Variants in TMEM165 observed in about 807,000 individuals in gnomAD.
TMEM165 encodes transmembrane protein 165.
Under a neutral mutation model 30.0 loss-of-function variants are expected in TMEM165, and 19 were observed. The ratio of observed to expected loss-of-function variants is 0.63; its 90% confidence interval spans 0.44 to 0.93. The LOEUF (loss-of-function observed/expected upper bound fraction) is 0.93. Among genes scored for constraint, TMEM165 ranks in the 40% least tolerant of loss-of-function variants. The probability of loss-of-function intolerance (pLI) is 0.00; values close to 1 mark genes in which losing one functional copy is unlikely to be tolerated. For synonymous variants in TMEM165, 168 were observed against 162.9 expected (o/e 1.03, Z -0.24); for missense variants, 340 against 417.0 (o/e 0.82, Z 1.61).
At chr4:55,450,282 T>A (rs1367391325) in intron 3 of TMEM165, 1 of 1,609,444 alleles carries the variant, frequency 6.2e-7, no homozygotes, top group Admixed American at 1.7e-5. Flanking sequence ...AGTTCAGAGA[T>A]CTCAAATTCA....
intron 3 of TMEM165, chr4:55,448,972 T>C (rs753828037): frequency 7.6e-6 from 7 of 923,874 alleles, no homozygotes; most frequent in Middle Eastern, 2.2e-4. Context: ...ACTTACCATT[T>C]GCCTCATACT....
At chr4:55,422,402 C>T (rs891019901) in intron 4 of TMEM165, among the ~76,000 whole-genome samples, 16 of 151,982 alleles carry the variant, frequency 1.1e-4, no homozygotes, top group African/African-American at 3.9e-4. Flanking sequence ...GGATTAGAGA[C>T]ATGTGCCACC....
intron 1 of TMEM165, chr4:55,403,130 A>G (rs1721103230): frequency 1.1e-5 from 7 of 653,936 alleles, no homozygotes; most frequent in Admixed American, 2.7e-5. Flanking sequence ...CCCAGGAGAC[A>G]GTTCTAAGCA....
chr4:55,445,598 T>C (rs1019506786), intron 3 of TMEM165, among the ~76,000 whole-genome samples: 1 of 124,960 alleles, frequency 8.0e-6, no homozygotes, highest in African/African-American at 2.9e-5. Flanking sequence ...TTTTTTTTTT[T>C]TTTTTTTTTT....
rs113721674 is a variant in TMEM165 at position 55,410,859 on chromosome 4, G to A, written c.208-755G>A. ...ACAAATAAGGTAATTTTGGCCAAGC[G>A]TGGTGGCTCACGCCTGTAATCTCAG... On this transcript the variant is annotated intron_variant, in intron 1 of 5. Coordinates refer to ENST00000381334, the MANE Select transcript of TMEM165 (RefSeq NM_018475.5). Among the ~76,000 whole-genome samples the A allele has an allele frequency of 3.8e-3, 584 of 152,278 alleles. 4 individuals are homozygous for A. Among genetic ancestry groups the A allele is most frequent in the African/African-American group, 0.013 (556 of 41,560 alleles).
At chr4:55,413,219 A>C (rs185690188) in intron 2 of TMEM165, among the ~76,000 whole-genome samples, 1 of 152,100 alleles carries the variant, frequency 6.6e-6, no homozygotes, top group South Asian at 2.1e-4. Flanking sequence ...GGCTCAAGCT[A>C]TCTTTCCACC....
Position 55,396,382 on chromosome 4 carries a change from C to A in TMEM165, c.193C>A (p.Pro65Thr). The A allele has an allele frequency of 1.3e-6, 2 of 1,493,198 alleles. No individual in the cohort carries two copies. The highest frequency in any genetic ancestry group is 8.9e-7 in the Non-Finnish European group (1 of 1,126,902). The allele number at this position is 1,493,198 out of a possible 1,614,324, so 92.5% of individuals were successfully genotyped here. A position where few individuals can be genotyped will look rare whatever the true frequency, so the allele number is the denominator to read the frequency against. ...PQPVAVQGPE[P>T]ARVEKIFTPA... Reference sequence around the variant, plus strand: ...GCCTGTGGCTGTGCAGGGCCCCGAGCCGGCCCGGGTCGAGGTGAGCGGGCC... The same window carrying A: ...GCCTGTGGCTGTGCAGGGCCCCGAGACGGCCCGGGTCGAGGTGAGCGGGCC... The change falls in exon 1 of 6, where the codon CCG (proline) becomes ACG (threonine). Residue 65 changes from proline (P) to threonine (T), a missense_variant. Physicochemically the swap from Pro to Thr is conservative, Grantham distance 38. Transcript: ENST00000381334.
chr4:55,398,897 C>G (rs897162642), intron 1 of TMEM165: 1 of 149,092 alleles, frequency 6.7e-6, no homozygotes, highest in African/African-American at 2.5e-5. Flanking sequence ...AACAACAACC[C>G]GATTTTTAAT....
At chr4:55,452,144 T>C (rs1724513904) in intron 3 of TMEM165, 1 of 152,242 alleles carries the variant, frequency 6.6e-6, no homozygotes, top group Non-Finnish European at 1.5e-5. Context: ...GGGCTGGATC[T>C]ACTGATTTCC....
intron 3 of TMEM165, among the ~76,000 whole-genome samples, chr4:55,439,232 A>G (rs1346919972): frequency 6.6e-6 from 1 of 152,226 alleles, no homozygotes; most frequent in Non-Finnish European, 1.5e-5. Context: ...CAAAGAAGAT[A>G]CACAAATGGC....
chr4:55,424,879 A>G (rs946879507), intron 5 of TMEM165: 2 of 482,766 alleles, frequency 4.1e-6, no homozygotes, highest in Admixed American at 3.8e-5. Context: ...TCTTGTTAAC[A>G]TATTATCTTA....
At chr4:55,449,825 A>G (rs1256685003) in intron 3 of TMEM165, among the ~76,000 whole-genome samples, 1 of 152,182 alleles carries the variant, frequency 6.6e-6, no homozygotes, top group Non-Finnish European at 1.5e-5. Flanking sequence ...AAAAAACACA[A>G]TAAATAGTTG....
At position 55,396,296 on chromosome 4, in the gene TMEM165, A is replaced by C. The variant is rs1446225479; in HGVS notation, c.107A>C (p.Asp36Ala). ...WAPAAVRAGP[D>A]EDLSHRNKEP... ...CCGGCTGCGGTCCGGGCCGGCCCAG[A>C]TGAAGACCTTAGCCACCGGAACAAA... The change falls in exon 1 of 6, where the codon GAT (aspartate) becomes GCT (alanine). Residue 36 changes from aspartate (D) to alanine (A), a missense_variant. By Grantham distance (126) the Asp-to-Ala change is moderately radical (BLOSUM62 -2). Around this residue, in one of 2 missense-constraint regions of TMEM165, gnomAD observed 120 missense variants for 109.4 expected, o/e 1.10. Coordinates refer to ENST00000381334, the MANE Select transcript of TMEM165 (RefSeq NM_018475.5). The C allele has an allele frequency of 6.5e-7, 1 of 1,531,928 alleles. No homozygotes were observed. The allele number at this position is 1,531,928 out of a possible 1,614,324, so 94.9% of individuals were successfully genotyped here.
chr4:55,445,053 A>G (rs982718982), intron 3 of TMEM165, among the ~76,000 whole-genome samples: 7 of 136,430 alleles, frequency 5.1e-5, no homozygotes, highest in Non-Finnish European at 1.1e-4. Context: ...AAAGTGCTCA[A>G]CTCCTGGTTC....
In TMEM165 at chr4:55,447,094, T is replaced by C. The variant is rs914622116; in HGVS notation, c.409-5145T>C. On this transcript the variant is annotated intron_variant, in intron 3 of 3. Coordinates refer to the TMEM165 transcript ENST00000608091. Reference sequence around the variant, plus strand: ...AAAATGTTATAATTATGGCCGGGCATGGTGGCTCACAGCTGTAATCCCAGG... The same window carrying C: ...AAAATGTTATAATTATGGCCGGGCACGGTGGCTCACAGCTGTAATCCCAGG... Among the ~76,000 whole-genome samples the C allele has an allele frequency of 6.6e-4, 100 of 152,034 alleles. 2 individuals carry two copies. Among genetic ancestry groups the C allele is most frequent in the Non-Finnish European group, 1.8e-4 (12 of 67,984 alleles).
chr4:55,402,053 G>A (rs866793869), intron 1 of TMEM165, among the ~76,000 whole-genome samples: 1 of 142,168 alleles, frequency 7.0e-6, no homozygotes, highest in Admixed American at 7.1e-5. Flanking sequence ...GGGAGGTGGA[G>A]GTTGCAGTGA....
At chr4:55,409,721 C>T (rs1416756145) in intron 1 of TMEM165, among the ~76,000 whole-genome samples, 3 of 152,138 alleles carry the variant, frequency 2.0e-5, no homozygotes, top group Non-Finnish European at 2.9e-5. Flanking sequence ...CTTGTCTAGC[C>T]CATTTCCTGG....
chr4:55,398,206 A>T (rs1043180426), intron 1 of TMEM165, among the ~76,000 whole-genome samples: 10 of 152,226 alleles, frequency 6.6e-5, no homozygotes, highest in Non-Finnish European at 1.3e-4. Context: ...ATCGCTATTG[A>T]GAAATAATGA....
At chr4:55,439,181 T>C (rs1009315898) in intron 3 of TMEM165, among the ~76,000 whole-genome samples, 2 of 151,756 alleles carry the variant, frequency 1.3e-5, no homozygotes, top group African/African-American at 4.8e-5. Flanking sequence ...TCAACCCAAT[T>C]AAAAAAATGG....
Sources: gnomAD v4.1 joint callset for allele counts (sites outside exome capture counted in the v4.1 genomes callset) on GRCh38, gnomAD v4.1.1 for gene constraint, gnomAD v4.1.1 regional missense constraint, MANE v1.5 for transcripts, NCBI Gene and HGNC (gene_info 2026-07-23, HGNC 2026-07-21) for gene names.